CDH12: variants seen among roughly 807,000 people sequenced by gnomAD.
CDH12 encodes the protein cadherin 12, also known as cadherin-12.
In CDH12, 41 loss-of-function variants were observed where a neutral mutation model predicts 74.1. That is an observed-to-expected ratio of 0.55 (90% CI 0.43 to 0.72). The LOEUF is 0.72. Ranked by LOEUF, CDH12 falls within the 30% of genes least tolerant of loss-of-function variation. The pLI is 0.00. For missense variants in CDH12, 945 were observed against 977.2 expected, an observed-to-expected ratio of 0.97 and a Z score of 0.44; for synonymous variants, 399 against 355.0, an observed-to-expected ratio of 1.12 and a Z score of -1.39.
chr5:22,074,426 C>T (rs1193290634), intron 5 of CDH12, among the ~76,000 whole-genome samples: 2 of 152,088 alleles, frequency 1.3e-5, no homozygotes, highest in Admixed American at 1.3e-4. Flanking sequence ...GACTAAAACA[C>T]CAAAAGCAAT....
chr5:22,349,522 T>C (rs949024534), intron 3 of CDH12, among the ~76,000 whole-genome samples: 1 of 152,318 alleles, frequency 6.6e-6, no homozygotes, highest in East Asian at 1.9e-4. Flanking sequence ...ATAATTTTAA[T>C]CCCCTCTTTC....
chr5:21,755,513 G>T, intron 14 of CDH12, 78 bp downstream of exon 14: 1 of 1,263,422 alleles, frequency 7.9e-7, no homozygotes, highest in East Asian at 2.4e-5. Context: ...AAATTGAGGA[G>T]AGAGATGGAG....
intron 1 of CDH12, among the ~76,000 whole-genome samples, chr5:22,721,931 C>T (rs1743918400): frequency 6.6e-6 from 1 of 152,142 alleles, no homozygotes; most frequent in South Asian, 2.1e-4. Flanking sequence ...CCTCCCCAGC[C>T]ATGCAGAACT....
At chr5:22,031,198 G>A (rs1286754840) in intron 5 of CDH12, among the ~76,000 whole-genome samples, 1 of 152,010 alleles carries the variant, frequency 6.6e-6, no homozygotes, top group South Asian at 2.1e-4. Flanking sequence ...GCCAGGCGTG[G>A]TGGTAGGTGC....
At chr5:21,882,934 C>A (rs1205836849) in intron 6 of CDH12, 5 of 1,602,396 alleles carry the variant, frequency 3.1e-6, no homozygotes, top group Middle Eastern at 2.2e-4. Context: ...GGCACTACCA[C>A]TGCTACTGTA....
intron 4 of CDH12, among the ~76,000 whole-genome samples, chr5:22,098,743 C>T (rs562079947): frequency 6.6e-5 from 10 of 152,206 alleles, no homozygotes; most frequent in East Asian, 3.9e-4. Context: ...TGACTGTATC[C>T]CTCTGATCCA....
chr5:21,884,132 A>G (rs1324786546), intron 6 of CDH12: 8 of 1,503,214 alleles, frequency 5.3e-6, no homozygotes, highest in South Asian at 3.4e-5. Flanking sequence ...TGAATATGGT[A>G]GAAAAAGGAA....
chr5:22,045,172 C>G (rs1181693079), intron 5 of CDH12, among the ~76,000 whole-genome samples: 34 of 152,014 alleles, frequency 2.2e-4, no homozygotes, highest in Non-Finnish European at 1.5e-5. Context: ...ATATAAATGG[C>G]CAACTGTATG....
At chr5:21,920,748 A>T (rs940483267) in intron 6 of CDH12, among the ~76,000 whole-genome samples, 1 of 151,798 alleles carries the variant, frequency 6.6e-6, no homozygotes, top group Non-Finnish European at 1.5e-5. Context: ...CAGAGAAACA[A>T]CGTAACATCT....
At chr5:21,806,385 A>G (rs995714282) in intron 9 of CDH12, among the ~76,000 whole-genome samples, 9 of 152,098 alleles carry the variant, frequency 5.9e-5, no homozygotes, top group African/African-American at 2.2e-4. Context: ...AAAATAAATA[A>G]CTATCATCTA....
intron 6 of CDH12, among the ~76,000 whole-genome samples, chr5:21,892,041 G>A (rs931480351): frequency 2.0e-5 from 3 of 151,998 alleles, no homozygotes; most frequent in Admixed American, 6.6e-5. Flanking sequence ...CATATAACAC[G>A]TTCAGTTTTA....
intron 11 of CDH12, among the ~76,000 whole-genome samples, chr5:21,774,712 C>G (rs1163224063): frequency 1.3e-5 from 2 of 152,098 alleles, no homozygotes; most frequent in African/African-American, 4.8e-5. Context: ...AGTAAATAAA[C>G]TACCTACACT....
chr5:22,293,242 C>A (rs1159098890), intron 3 of CDH12, among the ~76,000 whole-genome samples: 1 of 152,142 alleles, frequency 6.6e-6, no homozygotes, highest in Non-Finnish European at 1.5e-5. Flanking sequence ...GACACAGTAG[C>A]AGGGACTGAC....
intron 2 of CDH12, among the ~76,000 whole-genome samples, chr5:22,430,727 T>G (rs1193197084): frequency 1.3e-5 from 2 of 152,154 alleles, no homozygotes; most frequent in Non-Finnish European, 2.9e-5. Flanking sequence ...ATAGAAATAT[T>G]GGCCAATGAA....
chr5:22,203,438 T>C, intron 4 of CDH12, among the ~76,000 whole-genome samples: 1 of 152,224 alleles, frequency 6.6e-6, no homozygotes. Flanking sequence ...TTCTATTTTA[T>C]GGCTGAATAG....
intron 3 of CDH12, among the ~76,000 whole-genome samples, chr5:22,285,740 CT>C (rs1375823485): frequency 6.6e-6 from 1 of 152,000 alleles, no homozygotes; most frequent in Non-Finnish European, 1.5e-5. Flanking sequence ...TTTGCTCTAA[CT>C]TGTTTTATTT....
rs1752678885 is a variant in CDH12, at chr5:22,239,631, TGGC to T, written c.-332-26991_-332-26989del. Among the ~76,000 whole-genome samples, 6 of 152,322 alleles carry T rather than the reference TGGC, an allele frequency of 3.9e-5. No homozygotes were observed. The East Asian group carries it at 1.2e-3, about 29-fold the overall frequency. ...AATAGATGGATAGAGAGACATTTTA[TGGC>T]TCTCATGGTTATAGGGAATTGTCGT... On this transcript the variant is annotated intron_variant, in intron 3 of 14. Coordinates refer to ENST00000382254, the MANE Select transcript of CDH12 (RefSeq NM_004061.5).
intron 13 of CDH12, among the ~76,000 whole-genome samples, chr5:21,757,286 C>A (rs2149866007): frequency 6.6e-6 from 1 of 152,220 alleles, no homozygotes; most frequent in East Asian, 1.9e-4. Context: ...AGCGATTCTC[C>A]TGCCTCACCC....
chr5:22,413,391 G>A (rs1003220989), intron 2 of CDH12, among the ~76,000 whole-genome samples: 2 of 151,940 alleles, frequency 1.3e-5, no homozygotes, highest in African/African-American at 4.8e-5. Flanking sequence ...AGAATAGTGA[G>A]AGATCAGAAT....
Sources: gnomAD v4.1 joint callset for allele counts (sites outside exome capture counted in the v4.1 genomes callset) on GRCh38, gnomAD v4.1.1 for gene constraint, MANE v1.5 for transcripts, NCBI Gene and HGNC (gene_info 2026-07-23, HGNC 2026-07-21) for gene names.